Variants in CNTNAP2 observed in about 807,000 individuals in gnomAD.
CNTNAP2 encodes contactin-associated protein-like 2.
A neutral mutation model predicts 155.2 loss-of-function variants in CNTNAP2; 98 were observed. That is an observed-to-expected ratio of 0.63 (90% confidence interval 0.54 to 0.75). The LOEUF is 0.75. Ranked by LOEUF, CNTNAP2 falls within the 30% of genes least tolerant of loss-of-function variation. The pLI is 0.00. For missense variants in CNTNAP2, 1,727 were observed against 1,688.1 expected (o/e 1.02, Z -0.40); for synonymous variants, 651 against 631.2 (o/e 1.03, Z -0.47).
intron 5 of CNTNAP2, among the ~76,000 whole-genome samples, chr7:147,119,605 T>A (rs1387136014): frequency 6.6e-6 from 1 of 152,098 alleles, no homozygotes; most frequent in Non-Finnish European, 1.5e-5. Context: ...ACACACTGAT[T>A]TACCATCACA....
intron 1 of CNTNAP2, among the ~76,000 whole-genome samples, chr7:146,513,398 G>A (rs921416705): frequency 4.6e-5 from 7 of 151,392 alleles, no homozygotes; most frequent in South Asian, 2.1e-4. Context: ...ACCATCTTCC[G>A]TTTGGGTTTA....
intron 21 of CNTNAP2, among the ~76,000 whole-genome samples, chr7:148,326,137 G>GT (rs55932829): frequency 0.38 from 56,540 of 149,266 alleles, 10,800 homozygotes; most frequent in South Asian, 0.51. Flanking sequence ...ATGCAAACAG[G>GT]TTTTTTTTTT....
intron 10 of CNTNAP2, among the ~76,000 whole-genome samples, chr7:147,459,609 G>T (rs184683411): frequency 5.1e-4 from 78 of 152,282 alleles, no homozygotes; most frequent in Non-Finnish European, 9.3e-4. Flanking sequence ...AGAGAGGAAA[G>T]AAGATGCTAC....
intron 3 of CNTNAP2, among the ~76,000 whole-genome samples, chr7:146,953,875 A>G (rs1733082081): frequency 6.6e-6 from 1 of 151,984 alleles, no homozygotes; most frequent in Non-Finnish European, 1.5e-5. Context: ...AATAATAATC[A>G]GGTAAAAAAA....
At chr7:147,487,099 C>G (rs1161922067) in intron 11 of CNTNAP2, among the ~76,000 whole-genome samples, 1 of 152,142 alleles carries the variant, frequency 6.6e-6, no homozygotes, top group Non-Finnish European at 1.5e-5. Context: ...ATACAGCTCT[C>G]TAAGCCTTTC....
intron 22 of CNTNAP2, among the ~76,000 whole-genome samples, chr7:148,403,675 G>C (rs1020019057): frequency 1.3e-5 from 2 of 152,150 alleles, no homozygotes; most frequent in African/African-American, 4.8e-5. Flanking sequence ...CTTGGTCTCC[G>C]TTTTTCTCTG....
chr7:147,788,900 CTTTTTTTTTTT>C, intron 13 of CNTNAP2, among the ~76,000 whole-genome samples: 1 of 100,748 alleles, frequency 9.9e-6, no homozygotes, highest in Admixed American at 1.2e-4. Context: ...TTTTCTTTTT[CTTTTTTTTTTT>C]TTTTTTTTTT....
intron 15 of CNTNAP2, among the ~76,000 whole-genome samples, chr7:148,107,962 C>T (rs1210200839): frequency 2.6e-5 from 4 of 152,194 alleles, no homozygotes; most frequent in African/African-American, 7.2e-5. Context: ...GCCACTGGAG[C>T]CAGCCTGGCA....
chr7:147,685,919 A>T (rs1375798195), intron 13 of CNTNAP2, among the ~76,000 whole-genome samples: 2 of 151,986 alleles, frequency 1.3e-5, no homozygotes, highest in African/African-American at 4.8e-5. Flanking sequence ...ACGGAGGACC[A>T]TGTGTCCAGA....
intron 11 of CNTNAP2, among the ~76,000 whole-genome samples, chr7:147,505,519 C>T (rs1038661625): frequency 5.3e-5 from 8 of 152,110 alleles, no homozygotes; most frequent in African/African-American, 1.4e-4. Context: ...CCATAAAATT[C>T]GTGGCTATTT....
chr7:148,159,688 G>A (rs1171831133), intron 17 of CNTNAP2, among the ~76,000 whole-genome samples: 2 of 152,140 alleles, frequency 1.3e-5, no homozygotes, highest in Non-Finnish European at 2.9e-5. Flanking sequence ...GAATTACTGA[G>A]TCATAGAGTA....
intron 8 of CNTNAP2, among the ~76,000 whole-genome samples, chr7:147,160,450 T>A (rs1160765035): frequency 6.6e-6 from 1 of 152,138 alleles, no homozygotes; most frequent in Non-Finnish European, 1.5e-5. Flanking sequence ...GCTAGGTGCC[T>A]CTGTCACTGT....
intron 1 of CNTNAP2, among the ~76,000 whole-genome samples, chr7:146,745,091 A>G (rs1048949918): frequency 2.0e-5 from 3 of 152,214 alleles, no homozygotes; most frequent in African/African-American, 7.2e-5. Context: ...AATTCTTTGC[A>G]AACCATAACA....
intron 8 of CNTNAP2, among the ~76,000 whole-genome samples, chr7:147,165,517 C>T (rs535002576): frequency 6.6e-6 from 1 of 152,168 alleles, no homozygotes; most frequent in Non-Finnish European, 1.5e-5. Context: ...ATCTTTGTTT[C>T]TGTTGCATTT....
At chr7:147,629,087 A>G (rs1795038224) in intron 12 of CNTNAP2, among the ~76,000 whole-genome samples, 1 of 152,120 alleles carries the variant, frequency 6.6e-6, no homozygotes. Flanking sequence ...TAGTTCATCA[A>G]GACGAGAAGT....
chr7:147,016,914 C>T (rs1798734277), intron 3 of CNTNAP2, among the ~76,000 whole-genome samples: 1 of 151,526 alleles, frequency 6.6e-6, no homozygotes, highest in South Asian at 2.1e-4. Context: ...AAAATGTGTC[C>T]GGCCAATGGA....
At chr7:147,347,427 T>TATATATATATATAC (rs1563169234) in intron 9 of CNTNAP2, among the ~76,000 whole-genome samples, 33 of 55,356 alleles carry the variant, frequency 6.0e-4, no homozygotes, top group African/African-American at 2.2e-3. Flanking sequence ...AGATTATATA[T>TATATATATATATAC]ATATATATAT....
At chr7:148,045,921 G>A (rs1222730325) in intron 15 of CNTNAP2, among the ~76,000 whole-genome samples, 1 of 152,168 alleles carries the variant, frequency 6.6e-6, no homozygotes, top group African/African-American at 2.4e-5. Context: ...TAGGAAAAAT[G>A]ATTTTTATTA....
rs917292787 is a variant in CNTNAP2 at position 146,673,798 on chromosome 7, G to A, written c.98-100473G>A. Among the ~76,000 whole-genome samples the A allele has an allele frequency of 1.3e-5, 2 of 152,004 alleles. 1 individual carries two copies. Among genetic ancestry groups the A allele is most frequent in the South Asian group, 4.2e-4 (2 of 4,816 alleles). ...AGGTCTTGCTGATTTGCCCAGGCTG[G>A]TCTCAAAGTAGTGGCTTCAAGAGAT... On this transcript the variant is annotated intron_variant, in intron 1 of 23. Transcript: ENST00000361727.
Sources: gnomAD v4.1 joint callset for allele counts (sites outside exome capture counted in the v4.1 genomes callset) on GRCh38, gnomAD v4.1.1 for gene constraint, MANE v1.5 for transcripts, NCBI Gene and HGNC (gene_info 2026-07-23, HGNC 2026-07-21) for gene names.